The following CSMD1 variants were observed in gnomAD, a reference collection of about 807,000 sequenced individuals.
CSMD1 encodes the protein CUB and sushi domain-containing protein 1.
Under a neutral mutation model 417.5 loss-of-function variants are expected in CSMD1, and 213 were observed. The ratio of observed to expected loss-of-function variants is 0.51; its 90% CI spans 0.46 to 0.57. CSMD1 has a LOEUF of 0.57. CSMD1 is among the 20% of genes least tolerant of loss of function. The pLI is 0.00. For synonymous variants in CSMD1, 2,862 were observed against 1,736.8 expected, an observed-to-expected ratio of 1.65 and a Z score of -16.11; for missense variants, 6,923 against 4,529.7, an observed-to-expected ratio of 1.53 and a Z score of -15.17.
intron 10 of CSMD1, among the ~76,000 whole-genome samples, chr8:3,500,601 G>C (rs1352005613): frequency 6.6e-6 from 1 of 152,198 alleles, no homozygotes; most frequent in Non-Finnish European, 1.5e-5. Flanking sequence ...CTGTGGTAGG[G>C]AGGACACCAA....
chr8:4,021,361 T>C (rs1473879420), intron 4 of CSMD1, among the ~76,000 whole-genome samples: 2 of 152,250 alleles, frequency 1.3e-5, no homozygotes, highest in Non-Finnish European at 2.9e-5. Flanking sequence ...ATTTTCCGTG[T>C]CGCATCTGGG....
chr8:4,351,553 T>A (rs914938611), intron 3 of CSMD1, among the ~76,000 whole-genome samples: 9 of 152,220 alleles, frequency 5.9e-5, no homozygotes, highest in Non-Finnish European at 2.9e-5. Context: ...AAGTGGCCGG[T>A]CAGTTTGGCT....
At chr8:3,264,378 T>C (rs918473772) in intron 26 of CSMD1, among the ~76,000 whole-genome samples, 4 of 152,168 alleles carry the variant, frequency 2.6e-5, no homozygotes, top group Non-Finnish European at 4.4e-5. Context: ...TTCTATCTTT[T>C]CCTGTTTCTA....
At chr8:3,870,503 GA>G (rs1361976750) in intron 5 of CSMD1, among the ~76,000 whole-genome samples, 2 of 152,012 alleles carry the variant, frequency 1.3e-5, no homozygotes, top group Non-Finnish European at 2.9e-5. Context: ...TAATGTCTAA[GA>G]AAAATTTACC....
chr8:3,289,204 A>G (rs1343276127), intron 25 of CSMD1, among the ~76,000 whole-genome samples: 1 of 147,128 alleles, frequency 6.8e-6, no homozygotes, highest in East Asian at 2.0e-4. Context: ...TATGTGCCAC[A>G]TTTTCTTAAT....
intron 2 of CSMD1, among the ~76,000 whole-genome samples, chr8:4,441,631 T>C (rs1365111681): frequency 6.6e-6 from 1 of 152,180 alleles, no homozygotes; most frequent in African/African-American, 2.4e-5. Flanking sequence ...CACCTAGGTA[T>C]TTAATTTTAT....
At chr8:4,546,731 T>A (rs1476603991) in intron 2 of CSMD1, among the ~76,000 whole-genome samples, 1 of 152,102 alleles carries the variant, frequency 6.6e-6, no homozygotes, top group Admixed American at 6.6e-5. Context: ...GCTAAGTCAA[T>A]TCCCATAATA....
chr8:4,387,583 A>AAG (rs1320487500), intron 3 of CSMD1, among the ~76,000 whole-genome samples: 1 of 148,714 alleles, frequency 6.7e-6, no homozygotes, highest in Non-Finnish European at 1.5e-5. Flanking sequence ...AAAAAAAAAA[A>AAG]AAAAAAAAAG....
chr8:4,354,931 G>C (rs1483426629), intron 3 of CSMD1, among the ~76,000 whole-genome samples: 2 of 144,074 alleles, frequency 1.4e-5, no homozygotes, highest in Admixed American at 7.1e-5. Context: ...GTATTTTCAG[G>C]TTGAAAGAAA....
chr8:3,349,645 G>C (rs1015672836), intron 21 of CSMD1, among the ~76,000 whole-genome samples: 2 of 150,720 alleles, frequency 1.3e-5, no homozygotes, highest in Non-Finnish European at 2.9e-5. Flanking sequence ...CTATAATTAT[G>C]TATTTGTATA....
chr8:3,918,894 G>T (rs544805427), intron 5 of CSMD1, among the ~76,000 whole-genome samples: 69 of 151,876 alleles, frequency 4.5e-4, no homozygotes, highest in African/African-American at 1.6e-3. Context: ...ATAGGAAGGG[G>T]GTGAAGGATA....
chr8:4,257,567 A>G lies in CSMD1; in HGVS notation c.415+162386T>C, dbSNP rs183958112. Reference sequence around the variant, plus strand: ...CAATTACATTTTTAAAATAAGAAATAGAGATTTATAAAATTCTCTCCCTGC... The same window carrying G: ...CAATTACATTTTTAAAATAAGAAATGGAGATTTATAAAATTCTCTCCCTGC... On this transcript the variant is annotated intron_variant, in intron 3 of 69. Coordinates refer to ENST00000635120, the MANE Select transcript of CSMD1 (RefSeq NM_033225.6). 1.7e-4 allele frequency among the ~76,000 whole-genome samples: 26 copies of G among 152,364 alleles called. No homozygotes were observed. In the East Asian group the frequency reaches 4.8e-3, roughly 28 times the overall value.
chr8:3,075,295 T>C (rs1184475791), intron 49 of CSMD1, among the ~76,000 whole-genome samples: 1 of 147,986 alleles, frequency 6.8e-6, no homozygotes, highest in East Asian at 2.0e-4. Context: ...TTTTTTTTTT[T>C]AGATGGAGTT....
chr8:4,163,134 C>T (rs537454659), intron 3 of CSMD1, among the ~76,000 whole-genome samples: 24 of 152,214 alleles, frequency 1.6e-4, no homozygotes, highest in Non-Finnish European at 3.2e-4. Flanking sequence ...ATTTCACCTA[C>T]CGAAGTACAC....
At chr8:3,279,055 C>G (rs4875480) in intron 26 of CSMD1, 1 of 152,096 alleles carries the variant, frequency 6.6e-6, no homozygotes, top group African/African-American at 2.4e-5. Flanking sequence ...GAGACTGGTG[C>G]CCGATTCTCA....
chr8:3,233,468 A>T (rs1236590471), intron 26 of CSMD1, among the ~76,000 whole-genome samples: 1 of 152,202 alleles, frequency 6.6e-6, no homozygotes, highest in Non-Finnish European at 1.5e-5. Flanking sequence ...TTTATAAATT[A>T]CCCAGTTTCA....
intron 1 of CSMD1, among the ~76,000 whole-genome samples, chr8:4,966,566 T>A (rs12674979): frequency 0.51 from 77,847 of 151,762 alleles, 20,556 homozygotes; most frequent in Middle Eastern, 0.63. Context: ...GATGTGCAAG[T>A]GTCACACTGA....
chr8:4,273,719 T>C (rs924505804), intron 3 of CSMD1, among the ~76,000 whole-genome samples: 2 of 152,178 alleles, frequency 1.3e-5, no homozygotes, highest in Non-Finnish European at 2.9e-5. Context: ...AAAGGATTTG[T>C]AGCTAGACCA....
At chr8:3,677,819 C>G (rs984141303) in intron 7 of CSMD1, among the ~76,000 whole-genome samples, 3 of 152,116 alleles carry the variant, frequency 2.0e-5, no homozygotes. Flanking sequence ...TGACATAAAA[C>G]TGCATATTTC....
Sources: gnomAD v4.1 joint callset for allele counts (sites outside exome capture counted in the v4.1 genomes callset) on GRCh38, gnomAD v4.1.1 for gene constraint, MANE v1.5 for transcripts, NCBI Gene and HGNC (gene_info 2026-07-23, HGNC 2026-07-21) for gene names.